MRPS6: variants seen among roughly 807,000 people sequenced by gnomAD.
MRPS6 encodes the protein mitochondrial ribosomal protein S6.
Under a neutral mutation model 13.1 loss-of-function variants are expected in MRPS6, and 6 were observed. That is an observed-to-expected ratio of 0.46 (90% confidence interval 0.25 to 0.91). The LOEUF (loss-of-function observed/expected upper bound fraction) is 0.91, where lower values mean the gene tolerates loss of function less well. Ranked by LOEUF, MRPS6 falls within the 40% of genes least tolerant of loss-of-function variation. The pLI is 0.18. For missense variants in MRPS6, 164 were observed against 155.6 expected, an observed-to-expected ratio of 1.05 and a Z score of -0.29; for synonymous variants, 61 against 56.5, an observed-to-expected ratio of 1.08 and a Z score of -0.36.
chr21:34,108,849 A>G (rs372575157), intron 1 of MRPS6, among the ~76,000 whole-genome samples: 2 of 152,144 alleles, frequency 1.3e-5, no homozygotes, highest in African/African-American at 2.4e-5. Flanking sequence ...TACCTTGACA[A>G]AAGTTTTTCT....
At chr21:34,085,824 G>A (rs1451362322) in intron 1 of MRPS6, among the ~76,000 whole-genome samples, 2 of 152,094 alleles carry the variant, frequency 1.3e-5, no homozygotes, top group Non-Finnish European at 2.9e-5. Flanking sequence ...GGGTGGTCTT[G>A]ATGTCCTGAC....
At chr21:34,076,213 G>A (rs549242659) in intron 1 of MRPS6, among the ~76,000 whole-genome samples, 1 of 152,120 alleles carries the variant, frequency 6.6e-6, no homozygotes, top group Non-Finnish European at 1.5e-5. Context: ...TTTTTTCTCC[G>A]CAGTACTCAG....
intron 1 of MRPS6, chr21:34,097,749 T>A: frequency 2.0e-6 from 2 of 1,005,444 alleles, no homozygotes. Context: ...TAAATTTTTT[T>A]TTCTGTCTCT....
intron 1 of MRPS6, among the ~76,000 whole-genome samples, chr21:34,084,348 C>T (rs568801569): frequency 2.0e-5 from 3 of 152,156 alleles, no homozygotes; most frequent in African/African-American, 4.8e-5. Context: ...CTTCTAGAAA[C>T]AGTTTTTTTC....
intron 1 of MRPS6, among the ~76,000 whole-genome samples, chr21:34,114,973 C>T (rs767968540): frequency 2.0e-5 from 3 of 152,126 alleles, no homozygotes; most frequent in Non-Finnish European, 2.9e-5. Flanking sequence ...GCACTTGGTG[C>T]AGGGGCCCCT....
chr21:34,086,835 A>AG (rs35890460), intron 1 of MRPS6, among the ~76,000 whole-genome samples: 152,235 of 152,236 alleles, frequency 1, 76,117 homozygotes, highest in Non-Finnish European at 1. Context: ...GAGGTGGAAG[A>AG]GGATTCTTCA....
chr21:34,131,334 T>C (rs1388512208), intron 2 of MRPS6, among the ~76,000 whole-genome samples: 1 of 152,158 alleles, frequency 6.6e-6, no homozygotes, highest in Admixed American at 6.5e-5. Context: ...CACTGATAGC[T>C]CATTGTGGTT....
chr21:34,102,713 G>A (rs1450909418), intron 1 of MRPS6: 1 of 1,000,036 alleles, frequency 1.0e-6, no homozygotes, highest in Non-Finnish European at 1.2e-6. Flanking sequence ...AGCAAATCAA[G>A]ACAAAACACA....
chr21:34,107,341 G>A (rs1032889654), intron 1 of MRPS6, among the ~76,000 whole-genome samples: 1 of 152,204 alleles, frequency 6.6e-6, no homozygotes, highest in Non-Finnish European at 1.5e-5. Context: ...ATTTTTGGCA[G>A]AAATACAAAA....
intron 2 of MRPS6, among the ~76,000 whole-genome samples, chr21:34,131,968 A>G (rs139067778): frequency 6.6e-6 from 1 of 152,346 alleles, no homozygotes; most frequent in East Asian, 1.9e-4. Flanking sequence ...ATGCTCATTA[A>G]CAAGTTAAGT....
intron 1 of MRPS6, among the ~76,000 whole-genome samples, chr21:34,092,001 A>G (rs888862282): frequency 6.6e-6 from 1 of 152,170 alleles, no homozygotes; most frequent in African/African-American, 2.4e-5. Context: ...TAAAAATACA[A>G]GTTAAAAAGC....
At chr21:34,087,821 T>C (rs959273241) in intron 1 of MRPS6, among the ~76,000 whole-genome samples, 2 of 152,136 alleles carry the variant, frequency 1.3e-5, no homozygotes. Flanking sequence ...GATGGAATGG[T>C]GATTTGAACT....
chr21:34,126,521 G>C (rs1044089954), intron 2 of MRPS6, among the ~76,000 whole-genome samples: 15 of 152,222 alleles, frequency 9.9e-5, no homozygotes, highest in African/African-American at 3.6e-4. Flanking sequence ...GGCGTTGCTA[G>C]GCAACAGGAA....
chr21:34,103,482 G>A (rs1044519325), intron 1 of MRPS6: 1 of 998,872 alleles, frequency 1.0e-6, no homozygotes, highest in East Asian at 1.1e-4. Context: ...TAATTTTGTT[G>A]TGTTTCCATT....
intron 1 of MRPS6, among the ~76,000 whole-genome samples, chr21:34,119,194 G>A (rs1980034506): frequency 1.3e-5 from 2 of 152,180 alleles, no homozygotes; most frequent in African/African-American, 4.8e-5. Flanking sequence ...CAGTTCCTGT[G>A]GAATCAATTT....
intron 1 of MRPS6, among the ~76,000 whole-genome samples, chr21:34,087,129 C>T (rs1464017459): frequency 6.6e-6 from 1 of 152,192 alleles, no homozygotes; most frequent in Non-Finnish European, 1.5e-5. Flanking sequence ...CAGGTTTTTA[C>T]TATGTCATGG....
chr21:34,091,546 G>C (rs1978694780), intron 1 of MRPS6, among the ~76,000 whole-genome samples: 1 of 151,900 alleles, frequency 6.6e-6, no homozygotes, highest in South Asian at 2.1e-4. Flanking sequence ...TTTAAATTTG[G>C]TCTTACCTTT....
At chr21:34,095,545 G>A (rs1408574398) in intron 1 of MRPS6, 3 of 1,613,730 alleles carry the variant, frequency 1.9e-6, no homozygotes, top group Admixed American at 1.7e-5. Flanking sequence ...TTGTCCAAGC[G>A]ATTTGGTGGC....
intron 2 of MRPS6, chr21:34,136,096 C>A: frequency 4.7e-6 from 1 of 214,758 alleles, no homozygotes; most frequent in South Asian, 8.4e-5. Flanking sequence ...CCGAGTGTCT[C>A]TGTTACTTGG....
Sources: allele counts gnomAD v4.1 joint callset (sites outside exome capture counted in the v4.1 genomes callset), GRCh38; gene constraint gnomAD v4.1.1; transcripts MANE v1.5; gene names NCBI Gene and HGNC (gene_info 2026-07-23, HGNC 2026-07-21).